The following DYSF variants were observed in gnomAD, a reference collection of about 807,000 sequenced individuals.
DYSF encodes the protein dysferlin.
Under a neutral mutation model 274.9 loss-of-function variants are expected in DYSF, and 212 were observed. The ratio of observed to expected loss-of-function variants is 0.77; its 90% CI spans 0.69 to 0.86. DYSF has a LOEUF of 0.86. Among genes scored for constraint, DYSF ranks in the 40% least tolerant of loss-of-function variants. The pLI is 0.00. For synonymous variants in DYSF, 1,091 were observed against 1,078.7 expected (o/e 1.01, Z -0.22); for missense variants, 2,666 against 2,783.2 (o/e 0.96, Z 0.95).
chr2:71,633,180 G>A (rs2094343511), intron 41 of DYSF, among the ~76,000 whole-genome samples: 1 of 152,150 alleles, frequency 6.6e-6, no homozygotes, highest in African/African-American at 2.4e-5. Flanking sequence ...GTGGTGGCTG[G>A]CTGTGGGCAT....
chr2:71,653,943 A>T (rs1278520709), intron 42 of DYSF, among the ~76,000 whole-genome samples: 1 of 152,152 alleles, frequency 6.6e-6, no homozygotes, highest in Non-Finnish European at 1.5e-5. Context: ...TACCATAAAT[A>T]AAAATATCAT....
intron 40 of DYSF, among the ~76,000 whole-genome samples, chr2:71,618,042 GTGT>G (rs1558637161): frequency 4.2e-4 from 14 of 33,098 alleles, no homozygotes; most frequent in Non-Finnish European, 4.8e-4. Flanking sequence ...TAGAGATGGT[GTGT>G]GTGTGTGTGT....
At chr2:71,653,840 T>TA (rs1419147172) in intron 42 of DYSF, among the ~76,000 whole-genome samples, 1 of 149,746 alleles carries the variant, frequency 6.7e-6, no homozygotes, top group Non-Finnish European at 1.5e-5. Context: ...ATAATAATAA[T>TA]AAAAAAAATT....
chr2:71,630,899 G>C (rs1196236987), intron 41 of DYSF, among the ~76,000 whole-genome samples: 1 of 152,132 alleles, frequency 6.6e-6, no homozygotes, highest in Non-Finnish European at 1.5e-5. Context: ...CTCTTTCTCT[G>C]GATTAATACA....
At chr2:71,534,373 C>T (rs72827533) in intron 14 of DYSF, among the ~76,000 whole-genome samples, 4,779 of 152,214 alleles carry the variant, frequency 0.031, 105 homozygotes, top group Non-Finnish European at 0.049. Flanking sequence ...CCTGGTGTTC[C>T]TTATGGACTC....
At chr2:71,568,455 GTCATAGGAACTT>G in intron 26 of DYSF, 117 bp downstream of exon 26, 1 of 1,372,882 alleles carries the variant, frequency 7.3e-7, no homozygotes, top group South Asian at 1.3e-5. Flanking sequence ...TCCTGCGCTG[GTCATAGGAACTT>G]CCGCTGAACT....
chr2:71,572,057 GCA>G (rs1484539020), intron 29 of DYSF, among the ~76,000 whole-genome samples: 1 of 115,932 alleles, frequency 8.6e-6, no homozygotes, highest in African/African-American at 3.4e-5. Context: ...ATCACACCCA[GCA>G]CACACACAGA....
At chr2:71,484,811 C>T (rs1244317417) in intron 3 of DYSF, among the ~76,000 whole-genome samples, 2 of 121,074 alleles carry the variant, frequency 1.7e-5, no homozygotes, top group African/African-American at 3.6e-5. Context: ...AAGGACCAGG[C>T]TAGCCCTCAG....
intron 31 of DYSF, 73 bp downstream of exon 31, chr2:71,589,759 T>A: frequency 7.1e-7 from 1 of 1,399,092 alleles, no homozygotes; most frequent in Non-Finnish European, 1.0e-6. Flanking sequence ...GATGGAGTTA[T>A]ACGATCAGAT....
intron 3 of DYSF, among the ~76,000 whole-genome samples, chr2:71,498,361 G>C (rs1168730597): frequency 6.6e-6 from 1 of 152,214 alleles, no homozygotes; most frequent in East Asian, 1.9e-4. Context: ...GTGCTGATTT[G>C]TTGGGTCAGG....
At chr2:71,506,397 G>T (rs760356975) in intron 4 of DYSF, among the ~76,000 whole-genome samples, 1 of 152,162 alleles carries the variant, frequency 6.6e-6, no homozygotes, top group South Asian at 2.1e-4. Context: ...AGACGAGGGC[G>T]ACCGAGGTTA....
At chr2:71,530,588 T>G (rs528999253) in intron 14 of DYSF, among the ~76,000 whole-genome samples, 1 of 152,226 alleles carries the variant, frequency 6.6e-6, no homozygotes, top group South Asian at 2.1e-4. Flanking sequence ...AAGCTGCGCC[T>G]CCCATTTTTC....
At chr2:71,492,706 C>CT (rs1319934897) in intron 3 of DYSF, among the ~76,000 whole-genome samples, 1 of 141,708 alleles carries the variant, frequency 7.1e-6, no homozygotes, top group Non-Finnish European at 1.6e-5. Flanking sequence ...CCTCCCCCCC[C>CT]CCCTTTTCTT....
intron 55 of DYSF, among the ~76,000 whole-genome samples, chr2:71,683,921 T>A (rs563680178): frequency 6.4e-5 from 2 of 31,076 alleles, no homozygotes; most frequent in East Asian, 9.5e-4. Flanking sequence ...CAGCTTTCCA[T>A]GCAGTTCTAA....
chr2:71,545,140 G>A (rs1445788154), intron 17 of DYSF, among the ~76,000 whole-genome samples: 1 of 152,200 alleles, frequency 6.6e-6, no homozygotes, highest in Non-Finnish European at 1.5e-5. Flanking sequence ...CCACCGGCAC[G>A]TGAGGAGTAG....
In DYSF at chr2:71,667,250, G is replaced by A. The variant is rs1272319384; in HGVS notation, c.5318-126G>A. On this transcript the variant is annotated intron_variant, in intron 47 of 55. Transcript: ENST00000410020. ...CAGAAAAAGTGCATCTGTGCTGGGG[G>A]TGAGGCTGCGGGGGTTAGAGCTTCT... 2.9e-6 allele frequency: 4 copies of A among 1,359,228 alleles called. No individual in the cohort carries two copies. The South Asian group carries it at 4.7e-5, about 16-fold the overall frequency. The allele number at this position is 1,359,228 out of a possible 1,614,324, so 84.2% of individuals were successfully genotyped here. A position where few individuals can be genotyped will look rare whatever the true frequency, so the allele number is the denominator to read the frequency against.
rs762258343 is a variant in DYSF, at chr2:71,669,708, T to C, written c.5746T>C (p.Tyr1916His). The C allele has an allele frequency of 1.9e-6, 3 of 1,614,184 alleles. No homozygotes were observed. The highest frequency in any genetic ancestry group is 2.5e-6 in the Non-Finnish European group (3 of 1,180,038). The change falls in exon 51 of 56, where the codon TAC (tyrosine) becomes CAC (histidine). Residue 1916 changes from tyrosine to histidine, a missense_variant. Tyr to His is a moderately conservative substitution (Grantham distance 83). Around this residue, in one of 3 missense-constraint regions of DYSF, gnomAD observed 1,460 missense variants for 1,502.1 expected, o/e 0.97. Transcript: ENST00000410020. ...CTGGAGGTTCATTTTCCCCTTCGAC[T>C]ACCTGCCAGCTGAGCAAGTCTGTAC... Reference protein sequence around the residue: ...FNWRFIFPFDYLPAEQVCTIA... With the variant: ...FNWRFIFPFDHLPAEQVCTIA...
intron 36 of DYSF, among the ~76,000 whole-genome samples, chr2:71,607,979 A>G (rs999101157): frequency 7.9e-5 from 12 of 152,166 alleles, no homozygotes; most frequent in African/African-American, 2.7e-4. Context: ...GGAAGGCTGC[A>G]GAGGAGGCTC....
At position 71,537,680 on chromosome 2, in the gene DYSF, C is replaced by G. The variant is rs116084939; in HGVS notation, c.1494-1477C>G. On this transcript the variant is annotated intron_variant, in intron 16 of 55. Transcript: ENST00000410020. ...AGCTTAATCACCTCCCTGGGAAATA[C>G]AAAGAGGAAGAAAGGAGCACAGAAA... Among the ~76,000 whole-genome samples, 777 of 152,274 alleles carry G rather than the reference C, an allele frequency of 5.1e-3. 10 individuals carry two copies. The highest frequency in any genetic ancestry group is 0.017 in the African/African-American group (719 of 41,558).
Sources: gnomAD v4.1 joint callset for allele counts (sites outside exome capture counted in the v4.1 genomes callset) on GRCh38, gnomAD v4.1.1 for gene constraint, gnomAD v4.1.1 regional missense constraint, MANE v1.5 for transcripts, NCBI Gene and HGNC (gene_info 2026-07-23, HGNC 2026-07-21) for gene names.